The following NUDT5 variants were observed in gnomAD, a reference collection of about 807,000 sequenced individuals.
NUDT5 encodes the protein ADP-sugar pyrophosphatase.
In NUDT5, 21 loss-of-function variants were observed where a neutral mutation model predicts 34.1. The ratio of observed to expected loss-of-function variants is 0.62; its 90% CI spans 0.44 to 0.89. The LOEUF is 0.89. NUDT5 is among the 40% of genes least tolerant of loss of function. NUDT5 has a pLI of 0.00. For synonymous variants in NUDT5, 85 were observed against 97.6 expected (o/e 0.87, Z 0.76); for missense variants, 249 against 274.8 (o/e 0.91, Z 0.66).
At chr10:12,192,928 T>C (rs977631035) in intron 1 of NUDT5, among the ~76,000 whole-genome samples, 19 of 141,972 alleles carry the variant, frequency 1.3e-4, no homozygotes, top group African/African-American at 4.1e-4. Flanking sequence ...GTACCCACAA[T>C]TGAATTCACT....
chr10:12,174,324 TG>T (rs1834914416), intron 5 of NUDT5, among the ~76,000 whole-genome samples: 1 of 149,588 alleles, frequency 6.7e-6, no homozygotes. Flanking sequence ...TGGAGTGCAG[TG>T]GTGTGATCTT....
chr10:12,192,720 A>G (rs867036570), intron 1 of NUDT5, among the ~76,000 whole-genome samples: 1 of 152,118 alleles, frequency 6.6e-6, no homozygotes, highest in Non-Finnish European at 1.5e-5. Flanking sequence ...GTGAGGTGGC[A>G]CACGCCAGTA....
At chr10:12,172,258 G>T (rs1564422447) in intron 7 of NUDT5, among the ~76,000 whole-genome samples, 1 of 151,936 alleles carries the variant, frequency 6.6e-6, no homozygotes, top group Non-Finnish European at 1.5e-5. Context: ...ATAATCTGCT[G>T]CCCGTTAACA....
intron 1 of NUDT5, among the ~76,000 whole-genome samples, chr10:12,189,865 T>C (rs901808812): frequency 2.6e-5 from 4 of 151,934 alleles, no homozygotes; most frequent in Admixed American, 2.0e-4. Flanking sequence ...ATGAAAAAGA[T>C]ACATGTACAC....
Position 12,168,533 on chromosome 10 carries a change from A to G in NUDT5, c.551-722T>C, listed in dbSNP as rs1834768502. ...GTGTGCATGTTAGGACTGGAGATCT[A>G]CTACCAAGAATGCGGTCTCAGGACC... On this transcript the variant is annotated intron_variant, in intron 9 of 9. Coordinates refer to ENST00000491614, the MANE Select transcript of NUDT5 (RefSeq NM_014142.4). The surrounding 1 kb of genome is among the most constrained non-coding windows in gnomAD (Gnocchi z 4.8). Among the ~76,000 whole-genome samples the G allele has an allele frequency of 6.6e-6, 1 of 151,938 alleles. No homozygotes were observed. The highest frequency in any genetic ancestry group is 1.5e-5 in the Non-Finnish European group (1 of 67,976).
At chr10:12,179,264 C>G in intron 3 of NUDT5, 132 bp from the exon 4 acceptor site, 1 of 656,062 alleles carries the variant, frequency 1.5e-6, no homozygotes, top group Non-Finnish European at 2.6e-6. Flanking sequence ...AAGAAGACCA[C>G]AGCAATAAAC....
At position 12,187,999 on chromosome 10, in the gene NUDT5, T is replaced by C. The variant is rs1165346267; in HGVS notation, c.-41-1667A>G. Among the ~76,000 whole-genome samples the C allele has an allele frequency of 2.0e-5, 3 of 151,954 alleles. No homozygotes were observed. The highest frequency in any genetic ancestry group is 7.3e-5 in the African/African-American group (3 of 41,350). On this transcript the variant is annotated intron_variant, in intron 1 of 9. Coordinates refer to ENST00000491614, the MANE Select transcript of NUDT5 (RefSeq NM_014142.4). The surrounding 1 kb of genome is among the most constrained non-coding windows in gnomAD (Gnocchi z 5.4). Reference sequence around the variant, plus strand: ...ATAAAAAATAAAAAAATTAGCCGGGTGTGGTGGTGGGCACCTGTAGTCCCA... The same window carrying C: ...ATAAAAAATAAAAAAATTAGCCGGGCGTGGTGGTGGGCACCTGTAGTCCCA...
At position 12,169,370 on chromosome 10, in the gene NUDT5, T is replaced by C; in HGVS notation, c.550+1347A>G. 1.5e-6 allele frequency: 2 copies of C among 1,340,820 alleles called. No individual in the cohort carries two copies. Among genetic ancestry groups the C allele is most frequent in the Non-Finnish European group, 2.1e-6 (2 of 966,118 alleles). The allele number at this position is 1,340,820 out of a possible 1,614,324, so 83.1% of individuals were successfully genotyped here. ...CATTTCACACTTGCCTACGTCACCCTGCTTTCCACGCACCTCCTCAGAGGG... is the reference window on the plus strand; with the variant it reads ...CATTTCACACTTGCCTACGTCACCCCGCTTTCCACGCACCTCCTCAGAGGG... On this transcript the variant is annotated intron_variant, in intron 9 of 9. Coordinates refer to ENST00000491614, the MANE Select transcript of NUDT5 (RefSeq NM_014142.4). This position sits in a 1 kb window ranked among gnomAD's most constrained non-coding sequence, Gnocchi z 4.8.
intron 5 of NUDT5, among the ~76,000 whole-genome samples, chr10:12,176,121 C>T (rs1347739933): frequency 2.0e-5 from 3 of 150,576 alleles, no homozygotes. Context: ...CACTTGAACC[C>T]GGGAGGCGGA....
chr10:12,188,941 C>A (rs530620485), intron 1 of NUDT5, among the ~76,000 whole-genome samples: 2 of 152,182 alleles, frequency 1.3e-5, no homozygotes, highest in African/African-American at 4.8e-5. Context: ...TCAGGCAAGG[C>A]CTGTTTAATT....
In NUDT5 at chr10:12,170,274, A is replaced by AG; in HGVS notation, c.550+442_550+443insC. The AG allele has an allele frequency of 7.5e-7, 1 of 1,325,392 alleles. No individual in the cohort carries two copies. Among genetic ancestry groups the AG allele is most frequent in the Non-Finnish European group, 1.1e-6 (1 of 926,138 alleles). 82.1% of individuals were successfully genotyped at this position (1,325,392 alleles called of 1,614,324 possible). ...GCATATCACACGGAGTATACAGGAA[A>AG]TACCTCAAGTATTTGTTGAAGGAGC... On this transcript the variant is annotated intron_variant, in intron 9 of 9. Transcript: ENST00000491614. The surrounding 1 kb of genome is among the most constrained non-coding windows in gnomAD (Gnocchi z 4.9).
In NUDT5 at chr10:12,169,428, A is replaced by G. The variant is rs1455824943; in HGVS notation, c.550+1289T>C. 5.0e-6 allele frequency: 4 copies of G among 807,622 alleles called. No individual in the cohort carries two copies. The highest frequency in any genetic ancestry group is 7.7e-6 in the Non-Finnish European group (4 of 518,844). The allele number at this position is 807,622 out of a possible 1,614,324, so 50.0% of individuals were successfully genotyped here. A position where few individuals can be genotyped will look rare whatever the true frequency, so the allele number is the denominator to read the frequency against. ...GTTATTGTTCCTGTTTTATGAAAAA[A>G]GCCGAGAGAGGCTACAGAACCTGTT... On this transcript the variant is annotated intron_variant, in intron 9 of 9. Coordinates refer to ENST00000491614, the MANE Select transcript of NUDT5 (RefSeq NM_014142.4). This position sits in a 1 kb window ranked among gnomAD's most constrained non-coding sequence, Gnocchi z 4.8.
At chr10:12,184,520 C>T (rs1420378062) in intron 3 of NUDT5, 1 of 1,546,252 alleles carries the variant, frequency 6.5e-7, no homozygotes. Flanking sequence ...TTGTTGTTTT[C>T]TCTTTATTTC....
Position 12,170,027 on chromosome 10 carries a change from G to T in NUDT5, c.550+690C>A. The T allele has an allele frequency of 7.5e-7, 1 of 1,334,744 alleles. No individual in the cohort carries two copies. The highest frequency in any genetic ancestry group is 1.4e-5 in the African/African-American group (1 of 69,736). 82.7% of individuals were successfully genotyped at this position (1,334,744 alleles called of 1,614,324 possible). On this transcript the variant is annotated intron_variant, in intron 9 of 9. Coordinates refer to ENST00000491614, the MANE Select transcript of NUDT5 (RefSeq NM_014142.4). The surrounding 1 kb of genome is among the most constrained non-coding windows in gnomAD (Gnocchi z 4.9). ...CCCATACAGAGGTGCTCCTTGAAGG[G>T]CCCATGGTATGTCTCCATACAGTAT...
intron 3 of NUDT5, among the ~76,000 whole-genome samples, chr10:12,180,022 C>T (rs1400301468): frequency 6.6e-6 from 1 of 152,140 alleles, no homozygotes; most frequent in Non-Finnish European, 1.5e-5. Context: ...GTGGGTGGCT[C>T]TGGGGCTTGG....
chr10:12,174,374 C>T (rs1206943134), intron 5 of NUDT5, among the ~76,000 whole-genome samples: 2 of 150,726 alleles, frequency 1.3e-5, no homozygotes, highest in African/African-American at 4.9e-5. Context: ...TTAAACGATT[C>T]TCCTGCCTCA....
chr10:12,189,897 T>C (rs1398052690), intron 1 of NUDT5, among the ~76,000 whole-genome samples: 1 of 145,578 alleles, frequency 6.9e-6, no homozygotes, highest in African/African-American at 2.5e-5. Context: ...TTCTACAATT[T>C]TTTTTTTTTT....
rs1834888270 is a variant in NUDT5, at chr10:12,173,155, AGCACATG to A, written c.386-296_386-290del. ...AAAAAAATCTTCCAGTGATGAGGGT[AGCACATG>A]CATGAGATGGGTGAGCAATAAAACT... On this transcript the variant is annotated intron_variant, in intron 6 of 9. Coordinates refer to ENST00000491614, the MANE Select transcript of NUDT5 (RefSeq NM_014142.4). This position sits in a 1 kb window ranked among gnomAD's most constrained non-coding sequence, Gnocchi z 4.7. Among the ~76,000 whole-genome samples the A allele has an allele frequency of 6.6e-6, 1 of 152,244 alleles. No homozygotes were observed. Among genetic ancestry groups the A allele is most frequent in the South Asian group, 2.1e-4 (1 of 4,834 alleles).
In NUDT5 at chr10:12,166,885, T is replaced by C. The variant is rs1169247552; in HGVS notation, c.*817A>G. Reference sequence around the variant, plus strand: ...ACTTCTTGCTGTGAACTACTCTGTATTGGGTTTCAGGTACTGGCTGATCTT... The same window carrying C: ...ACTTCTTGCTGTGAACTACTCTGTACTGGGTTTCAGGTACTGGCTGATCTT... On this transcript the variant is annotated 3_prime_UTR_variant, in exon 10 of 10. Coordinates refer to ENST00000491614, the MANE Select transcript of NUDT5 (RefSeq NM_014142.4). The C allele has an allele frequency of 5.6e-6, 2 of 357,178 alleles. No homozygotes were observed. The highest frequency in any genetic ancestry group is 4.3e-5 in the African/African-American group (2 of 46,540). 22.1% of individuals were successfully genotyped at this position (357,178 alleles called of 1,614,324 possible). A position where few individuals can be genotyped will look rare whatever the true frequency, so the allele number is the denominator to read the frequency against.
Sources: gnomAD v4.1 joint callset for allele counts (sites outside exome capture counted in the v4.1 genomes callset) on GRCh38, gnomAD v4.1.1 for gene constraint, Gnocchi (gnomAD v3.1) non-coding constraint, MANE v1.5 for transcripts, NCBI Gene and HGNC (gene_info 2026-07-23, HGNC 2026-07-21) for gene names.